NDUFAF6: variants seen among roughly 807,000 people sequenced by gnomAD.
NDUFAF6 encodes NADH dehydrogenase (ubiquinone) complex I, assembly factor 6.
NDUFAF6 carries 45 observed loss-of-function variants against 40.8 expected under a neutral mutation model. The observed-to-expected ratio is 1.10, with a 90% confidence interval of 0.87 to 1.42. NDUFAF6 has a LOEUF of 1.42. Ranked by LOEUF, NDUFAF6 falls within the 40% of genes most tolerant of loss-of-function variation. The probability of loss-of-function intolerance (pLI) is 0.00; values close to 1 mark genes in which losing one functional copy is unlikely to be tolerated. For synonymous variants in NDUFAF6, 185 were observed against 155.9 expected, an observed-to-expected ratio of 1.19 and a Z score of -1.39; for missense variants, 435 against 418.5, an observed-to-expected ratio of 1.04 and a Z score of -0.34.
intron 2 of NDUFAF6, among the ~76,000 whole-genome samples, chr8:94,997,582 A>G (rs905278964): frequency 3.9e-5 from 6 of 152,184 alleles, no homozygotes; most frequent in Admixed American, 6.5e-5. Context: ...TTGTTCCAAC[A>G]TGTAGGAATA....
chr8:95,036,927 C>G (rs1266841636), intron 3 of NDUFAF6, among the ~76,000 whole-genome samples: 1 of 152,178 alleles, frequency 6.6e-6, no homozygotes, highest in African/African-American at 2.4e-5. Flanking sequence ...GTGCAGTTGT[C>G]CTTGCTGCAT....
At chr8:94,911,475 G>A (rs564816072) in intron 1 of NDUFAF6, among the ~76,000 whole-genome samples, 23 of 152,294 alleles carry the variant, frequency 1.5e-4, no homozygotes, top group African/African-American at 5.3e-4. Context: ...TGCAGAATGC[G>A]TTGGCTCCGC....
At chr8:95,011,300 A>G (rs1240505130) in intron 2 of NDUFAF6, among the ~76,000 whole-genome samples, 1 of 152,226 alleles carries the variant, frequency 6.6e-6, no homozygotes, top group Non-Finnish European at 1.5e-5. Flanking sequence ...CCTTTCCCAA[A>G]GAGACAAGTC....
chr8:95,053,550 G>A (rs1054653649), intron 8 of NDUFAF6, among the ~76,000 whole-genome samples: 22 of 151,936 alleles, frequency 1.4e-4, no homozygotes, highest in South Asian at 1.0e-3. Context: ...TGGCCTCCCC[G>A]TTCCAGACCA....
At chr8:95,081,962 G>T (rs1321589275) in intron 2 of NDUFAF6, among the ~76,000 whole-genome samples, 2 of 152,196 alleles carry the variant, frequency 1.3e-5, no homozygotes, top group African/African-American at 2.4e-5. Context: ...GCTATGGGAG[G>T]CTGAAGCGGG....
intron 1 of NDUFAF6, among the ~76,000 whole-genome samples, chr8:94,963,067 A>G (rs1242876054): frequency 2.0e-5 from 3 of 151,902 alleles, no homozygotes; most frequent in Non-Finnish European, 4.4e-5. Flanking sequence ...CTGGGATTAC[A>G]GACAGGCGTG....
At chr8:94,980,388 C>T (rs555672542) in intron 1 of NDUFAF6, among the ~76,000 whole-genome samples, 35 of 148,646 alleles carry the variant, frequency 2.4e-4, no homozygotes, top group East Asian at 2.2e-3. Flanking sequence ...AAAGGTGTGA[C>T]GGGAATGTGG....
At chr8:94,899,001 T>C (rs1344213708) in intron 1 of NDUFAF6, among the ~76,000 whole-genome samples, 2 of 152,244 alleles carry the variant, frequency 1.3e-5, no homozygotes, top group African/African-American at 4.8e-5. Context: ...TAAAACATTT[T>C]CTTCCCATTT....
chr8:94,981,023 C>A (rs1338883209), intron 2 of NDUFAF6: 1 of 455,564 alleles, frequency 2.2e-6, no homozygotes, highest in Non-Finnish European at 4.4e-6. Context: ...CAAAGAGGCT[C>A]TTTCCCCCAC....
chr8:94,938,156 T>C (rs1821173906), intron 1 of NDUFAF6, among the ~76,000 whole-genome samples: 1 of 152,208 alleles, frequency 6.6e-6, no homozygotes, highest in South Asian at 2.1e-4. Context: ...AAGCTACGTG[T>C]TTGCTAAAAC....
chr8:95,004,496 G>A (rs1490251965), intron 2 of NDUFAF6, among the ~76,000 whole-genome samples: 4 of 151,784 alleles, frequency 2.6e-5, no homozygotes, highest in Non-Finnish European at 5.9e-5. Context: ...GACTACAGGT[G>A]CATGATACCA....
intron 1 of NDUFAF6, among the ~76,000 whole-genome samples, chr8:94,919,032 G>A (rs549888632): frequency 4.7e-4 from 72 of 152,190 alleles, no homozygotes; most frequent in Non-Finnish European, 8.4e-4. Flanking sequence ...TTGTTATAGA[G>A]GAAGCAAATT....
At chr8:95,076,029 C>T in exon 10 of NDUFAF6, 1 of 204,488 alleles carries the variant, frequency 4.9e-6, no homozygotes, top group Admixed American at 5.4e-5. Flanking sequence ...TAGAAATTGC[C>T]CTGGTTATAT....
At chr8:95,116,584 C>T (rs1482196726), downstream of NDUFAF6, 1 of 152,298 alleles carries the variant, frequency 6.6e-6, no homozygotes, top group Non-Finnish European at 1.5e-5. Flanking sequence ...TTTCTGCACT[C>T]AAGTGATCCT....
chr8:95,064,276 C>A (rs1832646991), intron 9 of NDUFAF6, among the ~76,000 whole-genome samples: 1 of 151,912 alleles, frequency 6.6e-6, no homozygotes, highest in African/African-American at 2.4e-5. Flanking sequence ...TGCCTGCACC[C>A]CTTTCTTGTA....
chr8:95,102,232 G>A lies in NDUFAF6; in HGVS notation n.231-744G>A, dbSNP rs537370969. 2.6e-5 allele frequency among the ~76,000 whole-genome samples: 4 copies of A among 152,246 alleles called. No individual in the cohort carries two copies. In the South Asian group the frequency reaches 8.3e-4, roughly 32 times the overall value. On this transcript the variant is annotated intron_variant and non_coding_transcript_variant, in intron 2 of 2. Coordinates refer to the NDUFAF6 transcript ENST00000521063. ...GCTGGTCTTGAACTCCTGACCTCAG[G>A]TGATCCACATGCCTTGGTCCCCCAA...
At chr8:95,079,291 G>T (rs372425369), downstream of NDUFAF6, among the ~76,000 whole-genome samples, 8 of 152,106 alleles carry the variant, frequency 5.3e-5, no homozygotes, top group African/African-American at 1.9e-4. Flanking sequence ...CATCTTGATT[G>T]CTTCCAGTTT....
intron 9 of NDUFAF6, among the ~76,000 whole-genome samples, chr8:95,073,712 C>T (rs1476265015): frequency 2.0e-5 from 3 of 152,098 alleles, no homozygotes; most frequent in Non-Finnish European, 4.4e-5. Flanking sequence ...CAGGACATGT[C>T]GAGGACAGAG....
chr8:95,023,159 C>T (rs1827763915), upstream of NDUFAF6: 1 of 152,042 alleles, frequency 6.6e-6, no homozygotes, highest in South Asian at 2.1e-4. Context: ...TTTTATGTTT[C>T]CTTTTATTAG....
Sources: allele counts gnomAD v4.1 joint callset (sites outside exome capture counted in the v4.1 genomes callset), GRCh38; gene constraint gnomAD v4.1.1; transcripts MANE v1.5; gene names NCBI Gene and HGNC (gene_info 2026-07-23, HGNC 2026-07-21).